The following CACNA1G variants were observed in gnomAD, a reference collection of about 807,000 sequenced individuals.
CACNA1G encodes the protein voltage-dependent T-type calcium channel subunit alpha-1G.
In CACNA1G, 67 loss-of-function variants were observed where a neutral mutation model predicts 219.4. The observed-to-expected ratio is 0.31, with a 90% CI of 0.25 to 0.37. The LOEUF is 0.37. CACNA1G is among the 10% of genes least tolerant of loss of function. CACNA1G has a pLI of 1.00. For synonymous variants in CACNA1G, 1,296 were observed against 1,345.3 expected (o/e 0.96, Z 0.80); for missense variants, 2,380 against 3,231.4 (o/e 0.74, Z 6.39).
chr17:50,592,049 T>C lies in CACNA1G; in HGVS notation c.2867T>C (p.Phe956Ser). 1 of 1,613,934 alleles carries C rather than the reference T, an allele frequency of 6.2e-7. No individual in the cohort carries two copies. Among genetic ancestry groups the C allele is most frequent in the Non-Finnish European group, 8.5e-7 (1 of 1,179,842 alleles). The change falls in exon 13 of 38, where the codon TTC becomes TCC. Residue 956 changes from phenylalanine to serine, a missense_variant. This residue lies in a region of CACNA1G where 43 missense variants were observed against 139.4 expected (regional missense o/e 0.31). Coordinates refer to ENST00000359106, the MANE Select transcript of CACNA1G (RefSeq NM_018896.5). The stretch of plus-strand genomic sequence containing the variant: ...ATGACCTTCGGCAACTACGTGCTCT[T>C]CAATTTGCTGGTCGCCATTCTGGTG... ...ALMTFGNYVL[F>S]NLLVAILVEG... is the part of the protein sequence containing the mutation.
chr17:50,623,555 G>T (rs1419492528), intron 35 of CACNA1G, among the ~76,000 whole-genome samples: 3 of 152,084 alleles, frequency 2.0e-5, no homozygotes, highest in Non-Finnish European at 4.4e-5. Flanking sequence ...AGGGCTGGGG[G>T]CTGGGGGCTG....
At position 50,616,402 on chromosome 17, in the gene CACNA1G, G is replaced by T. The variant is rs1279692205; in HGVS notation, c.5021+18G>T. ...CAGGACAGGTAACGGAGAAAAGGGG[G>T]GTCTTGGGGACTTGCGTAGAGATAG... On this transcript the variant is annotated intron_variant, in intron 28 of 37. Transcript: ENST00000359106. The T allele has an allele frequency of 1.4e-6, 2 of 1,452,390 alleles. No individual in the cohort carries two copies. The highest frequency in any genetic ancestry group is 1.9e-6 in the Non-Finnish European group (2 of 1,033,944). 90.0% of individuals were successfully genotyped at this position (1,452,390 alleles called of 1,614,324 possible).
Position 50,609,948 on chromosome 17 carries a change from G to C in CACNA1G, c.4759+13G>C. ...AGCGCTGCGTCAGGTACTGCGTCTGGGGTGTGGGCTCATGCGTGTGGGGAC... is the reference window on the plus strand; with the variant it reads ...AGCGCTGCGTCAGGTACTGCGTCTGCGGTGTGGGCTCATGCGTGTGGGGAC... On this transcript the variant is annotated intron_variant, in intron 26 of 37. Coordinates refer to ENST00000359106, the MANE Select transcript of CACNA1G (RefSeq NM_018896.5). The C allele has an allele frequency of 6.2e-7, 1 of 1,608,214 alleles. No individual in the cohort carries two copies. Among genetic ancestry groups the C allele is most frequent in the Non-Finnish European group, 8.5e-7 (1 of 1,178,802 alleles).
Position 50,576,031 on chromosome 17 carries a change from CG to C in CACNA1G, c.1633del (p.Ala545ProfsTer19). The C allele has an allele frequency of 6.4e-7, 1 of 1,568,608 alleles. No homozygotes were observed. Among genetic ancestry groups the C allele is most frequent in the Non-Finnish European group, 8.6e-7 (1 of 1,157,758 alleles). Reference protein sequence around the residue: ...LPPPSTPALSGAPPGGAESVH... With the variant: ...LPPPSTPALSXAPPGGAESVH... ...CACCACCCTCGACGCCTGCCCTCTCCGGGGCCCCCCCTGGTGGCGCAGAGTC... is the reference window on the plus strand; with the variant it reads ...CACCACCCTCGACGCCTGCCCTCTCCGGGCCCCCCCTGGTGGCGCAGAGTC... On this transcript the variant is annotated frameshift_variant, in exon 8 of 38. Coordinates refer to ENST00000359106, the MANE Select transcript of CACNA1G (RefSeq NM_018896.5). LOFTEE classifies it high-confidence loss of function.
chr17:50,597,912 G>T lies in CACNA1G; in HGVS notation c.3258+989G>T, dbSNP rs2045888073. ...TCATATGGTATTTATTTGTCTTTCT[G>T]TGCCTTGTGTATTTCACTTAGTATA... is the stretch of plus-strand genomic sequence containing the variant. On this transcript the variant is annotated intron_variant, in intron 16 of 37. Coordinates refer to ENST00000359106, the MANE Select transcript of CACNA1G (RefSeq NM_018896.5). Among the ~76,000 whole-genome samples the T allele has an allele frequency of 2.0e-5, 3 of 152,112 alleles. No individual in the cohort carries two copies. In the South Asian group the frequency reaches 6.2e-4, roughly 32 times the overall value.
chr17:50,616,394 A>T lies in CACNA1G; in HGVS notation c.5021+10A>T. On this transcript the variant is annotated intron_variant, in intron 28 of 37. Coordinates refer to ENST00000359106, the MANE Select transcript of CACNA1G (RefSeq NM_018896.5). ...GGTTCTTCCAGGACAGGTAACGGAG[A>T]AAAGGGGGGTCTTGGGGACTTGCGT... The T allele has an allele frequency of 6.5e-7, 1 of 1,548,138 alleles. No individual in the cohort carries two copies. The highest frequency in any genetic ancestry group is 8.9e-7 in the Non-Finnish European group (1 of 1,121,036).
At chr17:50,592,231 G>C in intron 13 of CACNA1G, 139 bp downstream of exon 13, 1 of 866,316 alleles carries the variant, frequency 1.2e-6, no homozygotes. Flanking sequence ...AGACTAAGCC[G>C]GGGTGGACCA....
intron 22 of CACNA1G, 21 bp downstream of exon 22, chr17:50,604,302 C>T: frequency 6.2e-7 from 1 of 1,610,846 alleles, no homozygotes; most frequent in Non-Finnish European, 8.5e-7. Flanking sequence ...TTCTGGGGGC[C>T]AGCTGTGGGT....
At chr17:50,589,912 C>CTCTCTCTCTCTCTGTG (rs1326523232) in intron 9 of CACNA1G, among the ~76,000 whole-genome samples, 7 of 141,924 alleles carry the variant, frequency 4.9e-5, no homozygotes, top group African/African-American at 2.0e-4. Context: ...CTCTCTCTCT[C>CTCTCTCTCTCTCTGTG]TGTGTGTGTG....
chr17:50,618,864 C>G lies in CACNA1G; in HGVS notation c.5637C>G (p.Ser1879Arg), dbSNP rs774882008. 4 of 1,613,092 alleles carry G rather than the reference C, an allele frequency of 2.5e-6. No homozygotes were observed. In the Admixed American group the frequency reaches 5.0e-5, roughly 20 times the overall value. Residue 1879 changes from serine to arginine, a missense_variant, in exon 33 of 38, where the codon AGC becomes AGG. By Grantham distance (110) the Ser-to-Arg change is moderately radical. Around this residue, in one of 17 missense-constraint regions of CACNA1G, gnomAD observed 672 missense variants for 670.5 expected, o/e 1.00. Transcript: ENST00000359106. This position sits in a 1 kb window ranked among gnomAD's most constrained non-coding sequence, Gnocchi z 5.3. ...AELELEMKTL[S>R]PQPHSPLGSP... ...TGGAGCTGGAGATGAAGACCCTCAG[C>G]CCCCAGCCCCACTCGCCACTGGGCA...
intron 9 of CACNA1G, among the ~76,000 whole-genome samples, chr17:50,581,552 C>T (rs1237931121): frequency 1.3e-5 from 2 of 152,168 alleles, no homozygotes; most frequent in Admixed American, 6.5e-5. Context: ...CCCCAACCTG[C>T]GCTACCCCAC....
At chr17:50,575,482 G>A in intron 7 of CACNA1G, 61 bp from the exon 8 acceptor site, 1 of 1,498,978 alleles carries the variant, frequency 6.7e-7, no homozygotes, top group Non-Finnish European at 9.0e-7. Flanking sequence ...CGTATGTGGT[G>A]GCTGGCATTG....
chr17:50,570,436 C>A (rs1366188934), intron 4 of CACNA1G, among the ~76,000 whole-genome samples: 1 of 152,160 alleles, frequency 6.6e-6, no homozygotes, highest in Non-Finnish European at 1.5e-5. Context: ...AACTCCCCAA[C>A]CTACACAAGC....
At chr17:50,605,862 G>A (rs1368117331) in intron 22 of CACNA1G, 36 bp from the exon 23 acceptor site, 9 of 1,611,656 alleles carry the variant, frequency 5.6e-6, no homozygotes, top group Non-Finnish European at 7.6e-6. Context: ...TGTGGTCACA[G>A]CTCACTTTTC....
chr17:50,583,731 A>G (rs897926791), intron 9 of CACNA1G, among the ~76,000 whole-genome samples: 5 of 152,106 alleles, frequency 3.3e-5, no homozygotes, highest in African/African-American at 1.2e-4. Flanking sequence ...ATTAAGGCAC[A>G]TGCACAGGGT....
Position 50,623,937 on chromosome 17 carries a change from C to G in CACNA1G, c.6091C>G (p.Pro2031Ala), listed in dbSNP as rs2052946619. ...GCCCCACCCCACGGAGCTGCCAGGA[C>G]CAGACTTACTGACTGTGCGGAAGTC... ...MQPHPTELPG[P>A]DLLTVRKSGV... The change falls in exon 36 of 38, where the codon CCA becomes GCA. Residue 2031 changes from proline (P) to alanine (A), a missense_variant. By Grantham distance (27) the Pro-to-Ala change is conservative. Around this residue, in one of 17 missense-constraint regions of CACNA1G, gnomAD observed 672 missense variants for 670.5 expected, o/e 1.00. Transcript: ENST00000359106. The G allele has an allele frequency of 6.2e-7, 1 of 1,612,776 alleles. No homozygotes were observed. Among genetic ancestry groups the G allele is most frequent in the Admixed American group, 1.7e-5 (1 of 59,988 alleles).
intron 24 of CACNA1G, 182 bp downstream of exon 24, chr17:50,607,171 T>C (rs1459583718): frequency 6.0e-6 from 4 of 665,594 alleles, no homozygotes; most frequent in East Asian, 2.8e-5. Flanking sequence ...GTCTACAACA[T>C]GTTTAACATG....
chr17:50,614,091 C>G (rs779720066), intron 26 of CACNA1G, among the ~76,000 whole-genome samples: 1 of 152,182 alleles, frequency 6.6e-6, no homozygotes, highest in African/African-American at 2.4e-5. Flanking sequence ...TGGCAGCCCA[C>G]GAGGCTGGAT....
Position 50,615,444 on chromosome 17 carries a change from C to T in CACNA1G, c.4843C>T (p.Leu1615Phe). 3.7e-6 allele frequency: 6 copies of T among 1,613,808 alleles called. No homozygotes were observed. Among genetic ancestry groups the T allele is most frequent in the Middle Eastern group, 1.6e-4 (1 of 6,062 alleles). ...CTTGTGCACCAGCCACTACCTGGAC[C>T]TCTTCATCACAGGTGTCATCGGGCT... ...HHLCTSHYLD[L>F]FITGVIGLNV... The change falls in exon 27 of 38, where the codon CTC (leucine) becomes TTC (phenylalanine). Residue 1615 changes from leucine (L) to phenylalanine (F), a missense_variant. Leu to Phe is a conservative substitution (Grantham distance 22). Coordinates refer to ENST00000359106, the MANE Select transcript of CACNA1G (RefSeq NM_018896.5).
Sources: gnomAD v4.1 joint callset for allele counts (sites outside exome capture counted in the v4.1 genomes callset) on GRCh38, gnomAD v4.1.1 for gene constraint, gnomAD v4.1.1 regional missense constraint, Gnocchi (gnomAD v3.1) non-coding constraint, MANE v1.5 for transcripts, NCBI Gene and HGNC (gene_info 2026-07-23, HGNC 2026-07-21) for gene names.